Variants in CMSS1 observed in about 807,000 individuals in gnomAD.
The protein encoded by CMSS1 is protein CMSS1.
Under a neutral mutation model 43.5 loss-of-function variants are expected in CMSS1, and 33 were observed. The ratio of observed to expected loss-of-function variants is 0.76; its 90% confidence interval spans 0.57 to 1.01. The LOEUF is 1.01. Ranked by LOEUF, CMSS1 falls within the 50% of genes least tolerant of loss-of-function variation. CMSS1 has a pLI of 0.00. For missense variants in CMSS1, 313 were observed against 326.4 expected, an observed-to-expected ratio of 0.96 and a Z score of 0.32; for synonymous variants, 115 against 117.2, an observed-to-expected ratio of 0.98 and a Z score of 0.12.
chr3:100,087,465 T>C (rs147287085), intron 1 of CMSS1, among the ~76,000 whole-genome samples: 1 of 152,330 alleles, frequency 6.6e-6, no homozygotes, highest in African/African-American at 2.4e-5. Flanking sequence ...TGGTTTTAAT[T>C]TGTATTTCCA....
At chr3:100,020,125 C>G (rs1227948862) in intron 1 of CMSS1, among the ~76,000 whole-genome samples, 5 of 152,148 alleles carry the variant, frequency 3.3e-5, no homozygotes, top group Admixed American at 1.3e-4. Flanking sequence ...ATTTTATTTT[C>G]TAAAATTAAG....
At chr3:99,905,835 G>C (rs1706598255) in intron 1 of CMSS1, among the ~76,000 whole-genome samples, 1 of 152,192 alleles carries the variant, frequency 6.6e-6, no homozygotes, top group South Asian at 2.1e-4. Context: ...AATTTACATT[G>C]CCATCAGAAA....
At chr3:100,040,889 G>GA (rs940419002) in intron 1 of CMSS1, 1 of 151,960 alleles carries the variant, frequency 6.6e-6, no homozygotes, top group Non-Finnish European at 1.5e-5. Context: ...TTATGCATTT[G>GA]AAAAAATGGT....
intron 1 of CMSS1, among the ~76,000 whole-genome samples, chr3:99,922,473 G>GA (rs758817681): frequency 1.3e-5 from 2 of 151,904 alleles, no homozygotes; most frequent in Non-Finnish European, 2.9e-5. Flanking sequence ...AAACCTCCTG[G>GA]AAAAAATAGA....
At chr3:100,056,481 CA>C (rs1304086941) in intron 1 of CMSS1, among the ~76,000 whole-genome samples, 1 of 152,080 alleles carries the variant, frequency 6.6e-6, no homozygotes, top group Admixed American at 6.5e-5. Flanking sequence ...ACAAAGATAA[CA>C]AAAGTTTATA....
At chr3:99,851,060 G>C in intron 1 of CMSS1, 1 of 1,584,348 alleles carries the variant, frequency 6.3e-7, no homozygotes, top group South Asian at 1.2e-5. Context: ...TGATCAATTA[G>C]CTTCTTTAAT....
At chr3:100,059,303 C>G (rs1009028410) in intron 1 of CMSS1, among the ~76,000 whole-genome samples, 1 of 152,156 alleles carries the variant, frequency 6.6e-6, no homozygotes, top group South Asian at 2.1e-4. Flanking sequence ...GCATTTGAGG[C>G]TATAATGGGA....
chr3:100,141,719 G>T (rs917188196), intron 1 of CMSS1: 2 of 363,302 alleles, frequency 5.5e-6, no homozygotes, highest in African/African-American at 4.3e-5. Flanking sequence ...CAGTGTACTT[G>T]ATGACTCCTC....
At chr3:99,900,126 T>C (rs1186965143) in intron 1 of CMSS1, among the ~76,000 whole-genome samples, 1 of 152,150 alleles carries the variant, frequency 6.6e-6, no homozygotes, top group Admixed American at 6.5e-5. Context: ...TCAGTAAATA[T>C]GTATTGGATG....
chr3:99,912,681 A>C (rs1438882512), intron 1 of CMSS1, among the ~76,000 whole-genome samples: 1 of 152,196 alleles, frequency 6.6e-6, no homozygotes, highest in Admixed American at 6.5e-5. Flanking sequence ...CCTGGCCCAC[A>C]GAGCTTCTTT....
intron 1 of CMSS1, among the ~76,000 whole-genome samples, chr3:100,126,309 A>C (rs1278026454): frequency 1.3e-5 from 2 of 152,212 alleles, no homozygotes; most frequent in Non-Finnish European, 2.9e-5. Context: ...TTGAATGCCT[A>C]GTTTTGTTTA....
intron 1 of CMSS1, among the ~76,000 whole-genome samples, chr3:99,923,475 G>T (rs1707187482): frequency 6.6e-6 from 1 of 152,164 alleles, no homozygotes. Flanking sequence ...AGCCAGGAGT[G>T]CTTCTCAGTA....
intron 1 of CMSS1, among the ~76,000 whole-genome samples, chr3:99,939,276 T>A (rs542924856): frequency 6.6e-6 from 1 of 152,342 alleles, no homozygotes; most frequent in Non-Finnish European, 1.5e-5. Flanking sequence ...AGTGCTTCCT[T>A]GTTGTGAGCT....
At chr3:100,159,937 T>G (rs1167471432) in intron 2 of CMSS1, 1 of 456,610 alleles carries the variant, frequency 2.2e-6, no homozygotes, top group East Asian at 6.9e-5. Context: ...ATATCTTACT[T>G]TGGATTTTCT....
chr3:99,948,345 A>T (rs571983578), intron 1 of CMSS1, among the ~76,000 whole-genome samples: 2 of 152,014 alleles, frequency 1.3e-5, no homozygotes, highest in African/African-American at 2.4e-5. Flanking sequence ...TAAAAAAATT[A>T]AAAAATTTTT....
intron 1 of CMSS1, among the ~76,000 whole-genome samples, chr3:99,901,780 A>G (rs1706445483): frequency 1.3e-5 from 2 of 152,188 alleles, no homozygotes; most frequent in Non-Finnish European, 2.9e-5. Flanking sequence ...TTGTTGATAA[A>G]TAGCACAGAT....
chr3:99,971,722 G>A (rs1011043255), intron 1 of CMSS1, among the ~76,000 whole-genome samples: 4 of 152,058 alleles, frequency 2.6e-5, no homozygotes, highest in Admixed American at 2.0e-4. Flanking sequence ...TGTATGGTAG[G>A]GTCTAGGATA....
At chr3:100,010,480 G>A (rs964538272) in intron 1 of CMSS1, among the ~76,000 whole-genome samples, 18 of 152,184 alleles carry the variant, frequency 1.2e-4, no homozygotes, top group African/African-American at 4.3e-4. Flanking sequence ...ATTTAGAAAG[G>A]ACCATGCTTA....
intron 1 of CMSS1, among the ~76,000 whole-genome samples, chr3:99,975,370 G>T (rs1194778670): frequency 6.6e-6 from 1 of 152,072 alleles, no homozygotes; most frequent in Non-Finnish European, 1.5e-5. Context: ...CAACAGACAG[G>T]CAGTGAATTC....
Sources: allele counts gnomAD v4.1 joint callset (sites outside exome capture counted in the v4.1 genomes callset), GRCh38; gene constraint gnomAD v4.1.1; transcripts MANE v1.5; gene names NCBI Gene and HGNC (gene_info 2026-07-23, HGNC 2026-07-21).